MOBP: variants seen among roughly 807,000 people sequenced by gnomAD.
MOBP encodes myelin associated oligodendrocyte basic protein, also known as myelin-associated oligodendrocyte basic protein.
In MOBP, 5 loss-of-function variants were observed where a neutral mutation model predicts 15.0. The observed-to-expected ratio is 0.33, with a 90% CI of 0.17 to 0.70. The LOEUF is 0.70. Ranked by LOEUF, MOBP falls within the 30% of genes least tolerant of loss-of-function variation. MOBP has a pLI of 0.67. For missense variants in MOBP, 188 were observed against 257.8 expected (o/e 0.73, Z 1.85); for synonymous variants, 88 against 99.0 (o/e 0.89, Z 0.66).
intron 2 of MOBP, among the ~76,000 whole-genome samples, chr3:39,486,928 CTT>C (rs60949098): frequency 0.049 from 6,830 of 138,812 alleles, 236 homozygotes; most frequent in East Asian, 0.17. Context: ...TGTACAGTAG[CTT>C]TTTTTTTTTT....
At position 39,502,834 on chromosome 3, in the gene MOBP, G is replaced by T. The variant is rs2042994410; in HGVS notation, c.506G>T (p.Gly169Val). The T allele has an allele frequency of 2.6e-6, 4 of 1,514,742 alleles. 1 individual carries two copies. In the Middle Eastern group the frequency reaches 5.1e-4, roughly 193 times the overall value. 93.8% of individuals were successfully genotyped at this position (1,514,742 alleles called of 1,614,324 possible). A position where few individuals can be genotyped will look rare whatever the true frequency, so the allele number is the denominator to read the frequency against. The change falls in exon 4 of 4, where the codon GGC (glycine) becomes GTC (valine). Residue 169 changes from glycine to valine, a missense_variant. Around this residue, in one of 2 missense-constraint regions of MOBP, gnomAD observed 55 missense variants for 45.2 expected, o/e 1.22. Transcript: ENST00000684792. This position sits in a 1 kb window ranked among gnomAD's most constrained non-coding sequence, Gnocchi z 6.3. ...QPRSSPLRGPGASRGGSPVKA... is the reference protein window; with the variant it reads ...QPRSSPLRGPVASRGGSPVKA... ...CGCAGCAGCCCCCTCAGAGGGCCAG[G>T]CGCCAGCCGTGGGGGGTCCCCCGTC...
intron 1 of MOBP, among the ~76,000 whole-genome samples, chr3:39,472,083 C>T (rs559751476): frequency 1.3e-4 from 20 of 152,208 alleles, no homozygotes; most frequent in Non-Finnish European, 2.5e-4. Flanking sequence ...ACTCTCATTT[C>T]CTTTGTAAGT....
At chr3:39,519,980 A>G (rs1403041136), downstream of MOBP, among the ~76,000 whole-genome samples, 1 of 148,460 alleles carries the variant, frequency 6.7e-6, no homozygotes, top group Non-Finnish European at 1.5e-5. Flanking sequence ...TTTTTTTACA[A>G]CTTAAATTTA....
intron 3 of MOBP, among the ~76,000 whole-genome samples, chr3:39,523,027 T>C (rs1165896159): frequency 6.6e-6 from 1 of 152,244 alleles, no homozygotes; most frequent in East Asian, 1.9e-4. Flanking sequence ...CACTGCAGTC[T>C]TCTGCCTTCA....
At chr3:39,528,711 T>G (rs2043359853), downstream of MOBP, 1 of 152,242 alleles carries the variant, frequency 6.6e-6, no homozygotes, top group Non-Finnish European at 1.5e-5. Flanking sequence ...CTCCATGAAA[T>G]GTGGTTCATT....
chr3:39,501,456 C>T (rs974576506), intron 2 of MOBP, among the ~76,000 whole-genome samples: 1 of 152,212 alleles, frequency 6.6e-6, no homozygotes, highest in African/African-American at 2.4e-5. Context: ...TGAGTCGGAA[C>T]CCACCTTCTC....
intron 1 of MOBP, among the ~76,000 whole-genome samples, chr3:39,478,295 T>C (rs1377772406): frequency 6.6e-6 from 1 of 152,224 alleles, no homozygotes; most frequent in African/African-American, 2.4e-5. Flanking sequence ...ATTACTATTG[T>C]GTTACAGTTG....
chr3:39,489,118 T>C (rs1461083611), intron 2 of MOBP, among the ~76,000 whole-genome samples: 1 of 152,216 alleles, frequency 6.6e-6, no homozygotes, highest in Non-Finnish European at 1.5e-5. Context: ...TCTCAAGGCC[T>C]CTGTCTGTAA....
chr3:39,494,549 T>C (rs1318673791), intron 2 of MOBP, among the ~76,000 whole-genome samples: 1 of 152,164 alleles, frequency 6.6e-6, no homozygotes, highest in East Asian at 1.9e-4. Context: ...GAAAACGTCA[T>C]GCAGTGTTTA....
Position 39,509,090 on chromosome 3 carries a change from T to G in MOBP, c.*-4293T>G, listed in dbSNP as rs11917357. On this transcript the variant is annotated intron_variant, in intron 4 of 4. Transcript: ENST00000311042. ...CGTGCACATATGTGTGTGAGAGTGT[T>G]TGTGTGTGTGTGTGTATATATATAT... Among the ~76,000 whole-genome samples the G allele has an allele frequency of 8.5e-4, 77 of 90,230 alleles. 1 individual carries two copies. Among genetic ancestry groups the G allele is most frequent in the African/African-American group, 2.7e-3 (70 of 25,724 alleles). 59.2% of individuals were successfully genotyped at this position (90,230 alleles called of 152,430 possible). A position where few individuals can be genotyped will look rare whatever the true frequency, so the allele number is the denominator to read the frequency against.
At chr3:39,519,212 C>T (rs1405963532), downstream of MOBP, among the ~76,000 whole-genome samples, 2 of 152,138 alleles carry the variant, frequency 1.3e-5, no homozygotes, top group Non-Finnish European at 2.9e-5. Context: ...ATAATTCACC[C>T]TGCGTTTCTT....
chr3:39,527,962 A>G (rs2043351823), downstream of MOBP: 1 of 152,182 alleles, frequency 6.6e-6, no homozygotes, highest in Admixed American at 6.5e-5. Context: ...ACGGTCAAGA[A>G]AGAAGAGAAG....
chr3:39,468,653 T>G (rs1218701593), intron 1 of MOBP, among the ~76,000 whole-genome samples: 1 of 152,032 alleles, frequency 6.6e-6, no homozygotes, highest in Non-Finnish European at 1.5e-5. Context: ...TCTCTCTGTA[T>G]CCATACATAT....
intron 4 of MOBP, among the ~76,000 whole-genome samples, chr3:39,511,476 G>A (rs2043118887): frequency 6.6e-6 from 1 of 152,144 alleles, no homozygotes; most frequent in African/African-American, 2.4e-5. Flanking sequence ...CCTGTTTTGG[G>A]TTTGTCAGGG....
downstream of MOBP, among the ~76,000 whole-genome samples, chr3:39,506,985 G>T (rs2043057215): frequency 6.6e-6 from 1 of 152,088 alleles, no homozygotes; most frequent in African/African-American, 2.4e-5. Context: ...CCTTTTCTCT[G>T]CAGGAACTTT....
intron 1 of MOBP, among the ~76,000 whole-genome samples, chr3:39,477,140 C>T (rs1399879722): frequency 6.6e-6 from 1 of 152,076 alleles, no homozygotes; most frequent in African/African-American, 2.4e-5. Flanking sequence ...TTGGGATGTT[C>T]ACCAAGGTCT....
At chr3:39,516,364 A>C (rs1044981321), downstream of MOBP, among the ~76,000 whole-genome samples, 1 of 152,178 alleles carries the variant, frequency 6.6e-6, no homozygotes, top group African/African-American at 2.4e-5. Context: ...GAGGGGGCCA[A>C]ATCAGGCTCA....
At chr3:39,501,261 A>G (rs952430154) in intron 2 of MOBP, among the ~76,000 whole-genome samples, 1 of 152,222 alleles carries the variant, frequency 6.6e-6, no homozygotes, top group African/African-American at 2.4e-5. Context: ...GAGTTTGTTG[A>G]GAGCAGAGAC....
chr3:39,511,801 C>T (rs2043122759), intron 4 of MOBP, among the ~76,000 whole-genome samples: 1 of 152,104 alleles, frequency 6.6e-6, no homozygotes, highest in African/African-American at 2.4e-5. Context: ...CCTATAAATA[C>T]ACTTGCAGTC....
Sources: allele counts gnomAD v4.1 joint callset (sites outside exome capture counted in the v4.1 genomes callset), GRCh38; gene constraint gnomAD v4.1.1; regional missense constraint gnomAD v4.1.1; non-coding constraint Gnocchi (gnomAD v3.1); transcripts MANE v1.5; gene names NCBI Gene and HGNC (gene_info 2026-07-23, HGNC 2026-07-21).